Variants in CSMD3 observed in about 807,000 individuals in gnomAD.
The protein encoded by CSMD3 is CUB and Sushi multiple domains 3.
Under a neutral mutation model 435.2 loss-of-function variants are expected in CSMD3, and 177 were observed. The observed-to-expected ratio is 0.41, with a 90% CI of 0.36 to 0.46. The LOEUF is 0.46. Among genes scored for constraint, CSMD3 ranks in the 20% least tolerant of loss-of-function variants. The pLI is 0.34. For synonymous variants in CSMD3, 1,656 were observed against 1,520.5 expected (o/e 1.09, Z -2.07); for missense variants, 4,265 against 4,504.6 (o/e 0.95, Z 1.52).
chr8:113,181,604 T>C (rs994620594), intron 3 of CSMD3, among the ~76,000 whole-genome samples: 1 of 152,096 alleles, frequency 6.6e-6, no homozygotes, highest in South Asian at 2.1e-4. Context: ...CGATATTATA[T>C]TTTTGTTTTG....
intron 9 of CSMD3, among the ~76,000 whole-genome samples, chr8:112,926,661 A>G (rs916965614): frequency 1.3e-5 from 2 of 152,156 alleles, no homozygotes; most frequent in Non-Finnish European, 2.9e-5. Context: ...AAAATACACA[A>G]ATTTTACCTG....
chr8:112,520,290 A>G (rs1049883549), intron 27 of CSMD3, among the ~76,000 whole-genome samples: 5 of 152,056 alleles, frequency 3.3e-5, no homozygotes, highest in African/African-American at 1.2e-4. Context: ...TCAAGCTAAA[A>G]CACAGAATCC....
intron 37 of CSMD3, 50 bp downstream of exon 37, chr8:112,383,513 TTTTA>T (rs1191753075): frequency 4.9e-6 from 5 of 1,022,380 alleles, no homozygotes; most frequent in Non-Finnish European, 7.7e-6. Flanking sequence ...CTTTAATTTT[TTTTA>T]TATTCCTAAT....
At chr8:112,835,414 T>C (rs759972380) in intron 11 of CSMD3, among the ~76,000 whole-genome samples, 2 of 151,896 alleles carry the variant, frequency 1.3e-5, no homozygotes, top group African/African-American at 4.8e-5. Flanking sequence ...GGTCTCAGAA[T>C]TATAAATGCA....
intron 22 of CSMD3, among the ~76,000 whole-genome samples, chr8:112,613,289 A>AT (rs1246575672): frequency 1.3e-5 from 2 of 151,516 alleles, no homozygotes; most frequent in South Asian, 2.1e-4. Flanking sequence ...TTTTGTTTTC[A>AT]TTTTTTTGGT....
chr8:113,121,028 G>A (rs914620563), intron 4 of CSMD3, among the ~76,000 whole-genome samples: 1 of 152,116 alleles, frequency 6.6e-6, no homozygotes, highest in Non-Finnish European at 1.5e-5. Flanking sequence ...AAGTGAAGCT[G>A]CACTTTCAGT....
intron 22 of CSMD3, among the ~76,000 whole-genome samples, chr8:112,611,132 T>G (rs1833223596): frequency 6.6e-6 from 1 of 152,086 alleles, no homozygotes; most frequent in Non-Finnish European, 1.5e-5. Context: ...TATGACAAAT[T>G]TTAGCTCAAG....
chr8:113,259,309 A>T lies in CSMD3; in HGVS notation c.514+19283T>A, dbSNP rs150983757. On this transcript the variant is annotated intron_variant, in intron 3 of 70. Transcript: ENST00000297405. The stretch of plus-strand genomic sequence containing the variant: ...GCACTTCTGCTATAGGCATGAGAAC[A>T]TGCTTAAAATAATTGTACTAGTAGA... 3.3e-5 allele frequency among the ~76,000 whole-genome samples: 5 copies of T among 152,308 alleles called. No individual in the cohort carries two copies. The East Asian group carries it at 7.7e-4, about 24-fold the overall frequency.
intron 10 of CSMD3, among the ~76,000 whole-genome samples, chr8:112,913,568 C>T (rs866422002): frequency 1.1e-4 from 16 of 151,818 alleles, no homozygotes; most frequent in Admixed American, 5.3e-4. Flanking sequence ...AAACTCTTGG[C>T]GCCCACCCTT....
chr8:113,432,834 C>T (rs1240708388), intron 1 of CSMD3, among the ~76,000 whole-genome samples: 3 of 152,186 alleles, frequency 2.0e-5, no homozygotes, highest in Non-Finnish European at 4.4e-5. Flanking sequence ...CATTAAAGCG[C>T]TGTTACCCGC....
chr8:113,107,735 T>C (rs930033846), intron 4 of CSMD3, among the ~76,000 whole-genome samples: 2 of 152,208 alleles, frequency 1.3e-5, no homozygotes, highest in Non-Finnish European at 2.9e-5. Flanking sequence ...GGAGGCTGTG[T>C]TCTTGGGCAG....
intron 1 of CSMD3, among the ~76,000 whole-genome samples, chr8:113,327,841 G>A (rs536538656): frequency 1.3e-5 from 2 of 151,844 alleles, no homozygotes; most frequent in South Asian, 4.1e-4. Context: ...ATTGGAACAA[G>A]AGCCTGGTCA....
At position 112,383,265 on chromosome 8, in the gene CSMD3, T is replaced by C. The variant is rs955791323; in HGVS notation, c.6031+302A>G. Among the ~76,000 whole-genome samples, 7 of 152,162 alleles carry C rather than the reference T, an allele frequency of 4.6e-5. No homozygotes were observed. In the East Asian group the frequency reaches 9.6e-4, roughly 21 times the overall value. On this transcript the variant is annotated intron_variant, in intron 37 of 70. Transcript: ENST00000297405. ...AATTATTATTGCTCATCCTTTTCTT[T>C]TAAGGAAAAGAGCGTACATACTATT...
chr8:112,483,397 G>C (rs188918826), intron 31 of CSMD3, among the ~76,000 whole-genome samples: 1 of 152,194 alleles, frequency 6.6e-6, no homozygotes, highest in Non-Finnish European at 1.5e-5. Flanking sequence ...GGAGGCTTAG[G>C]CAAGAGAACC....
At chr8:112,821,014 T>TG (rs1292493895) in intron 12 of CSMD3, among the ~76,000 whole-genome samples, 1 of 152,204 alleles carries the variant, frequency 6.6e-6, no homozygotes, top group Non-Finnish European at 1.5e-5. Flanking sequence ...TAGTATTCCA[T>TG]GATGTATATG....
chr8:112,506,142 C>G (rs1166989255), intron 29 of CSMD3, among the ~76,000 whole-genome samples: 3 of 152,002 alleles, frequency 2.0e-5, no homozygotes, highest in Non-Finnish European at 2.9e-5. Context: ...TGTACCACTA[C>G]AAATCACAAA....
chr8:112,342,849 A>G (rs144971342), intron 41 of CSMD3, among the ~76,000 whole-genome samples: 125 of 151,738 alleles, frequency 8.2e-4, no homozygotes, highest in African/African-American at 3.0e-3. Flanking sequence ...CAACCTTAAT[A>G]TGTGAAGACC....
At chr8:113,101,088 AG>A (rs1447433670) in intron 4 of CSMD3, among the ~76,000 whole-genome samples, 1 of 152,134 alleles carries the variant, frequency 6.6e-6, no homozygotes, top group Non-Finnish European at 1.5e-5. Context: ...CTGGTTTCTA[AG>A]GGCTTTGACA....
At chr8:112,670,129 T>C (rs1054971869) in intron 16 of CSMD3, among the ~76,000 whole-genome samples, 4 of 152,060 alleles carry the variant, frequency 2.6e-5, no homozygotes, top group Non-Finnish European at 5.9e-5. Context: ...CTGTTTAATT[T>C]GAAGATTAAA....
Sources: allele counts gnomAD v4.1 joint callset (sites outside exome capture counted in the v4.1 genomes callset), GRCh38; gene constraint gnomAD v4.1.1; transcripts MANE v1.5; gene names NCBI Gene and HGNC (gene_info 2026-07-23, HGNC 2026-07-21).